The following TSPOAP1 variants were observed in gnomAD, a reference collection of about 807,000 sequenced individuals.
TSPOAP1 encodes TSPO associated protein 1, also known as peripheral-type benzodiazepine receptor-associated protein 1.
Under a neutral mutation model 197.0 loss-of-function variants are expected in TSPOAP1, and 87 were observed. The ratio of observed to expected loss-of-function variants is 0.44; its 90% CI spans 0.37 to 0.53. The LOEUF (loss-of-function observed/expected upper bound fraction) is 0.53. TSPOAP1 is among the 20% of genes least tolerant of loss of function. The probability of loss-of-function intolerance (pLI) is 0.00; values close to 1 mark genes in which losing one functional copy is unlikely to be tolerated. For missense variants in TSPOAP1, 2,174 were observed against 2,411.3 expected (o/e 0.90, Z 2.06); for synonymous variants, 913 against 998.9 (o/e 0.91, Z 1.62).
At chr17:58,327,447 C>T in intron 1 of TSPOAP1, 141 bp downstream of exon 1, 1 of 766,530 alleles carries the variant, frequency 1.3e-6, no homozygotes. Flanking sequence ...GACAGATAGC[C>T]ACAGAGATGG....
chr17:58,311,127 G>C lies in TSPOAP1; in HGVS notation c.3168C>G (p.Val1056=). 6.2e-7 allele frequency: 1 copy of C among 1,605,998 alleles called. No individual in the cohort carries two copies. ...CCCCGTGGGGCGACATGGTGCGCAC[G>C]ACCACCTCACGACACACCTGCAGCA... ...LQLLQVCREV[V]VRTMSPHGES... The change falls in exon 19 of 32, where the codon GTC becomes GTG. Residue 1056 remains valine, a synonymous_variant. Transcript: ENST00000343736.
rs888517632 is a variant in TSPOAP1, at chr17:58,324,334, C to T, written c.942+477G>A. On this transcript the variant is annotated intron_variant, in intron 5 of 31. Transcript: ENST00000343736. This position sits in a 1 kb window ranked among gnomAD's most constrained non-coding sequence, Gnocchi z 5.8. ...CCCTCGAGACAGGGGCTGCCTAAGC[C>T]CCCCGCTCAGTGAGGGTTGCCTGTA... 5.3e-5 allele frequency among the ~76,000 whole-genome samples: 8 copies of T among 152,170 alleles called. No homozygotes were observed. Among genetic ancestry groups the T allele is most frequent in the Non-Finnish European group, 1.0e-4 (7 of 68,002 alleles).
chr17:58,323,115 C>G (rs545317084), intron 7 of TSPOAP1, 76 bp from the exon 8 acceptor site: 30 of 1,535,094 alleles, frequency 2.0e-5, no homozygotes, highest in Non-Finnish European at 2.6e-5. Context: ...GGACCCTGCC[C>G]TCCTCCCAGG....
rs761407091 is a variant in TSPOAP1 at position 58,309,028 on chromosome 17, G to A, written c.4244C>T (p.Pro1415Leu). The A allele has an allele frequency of 2.5e-6, 4 of 1,611,436 alleles. No individual in the cohort carries two copies. The highest frequency in any genetic ancestry group is 2.2e-5 in the East Asian group (1 of 44,868). ...ATCTGGAGGCCGCCTGCGGCTTGGG[G>A]GCTTCTCAGGGGAGCCCCCTCCTCT... ...RRRGGGSPEK[P>L]PSRRRPPDPR... Residue 1415 changes from proline (P) to leucine (L), a missense_variant, in exon 22 of 32, where the codon CCC (proline) becomes CTC (leucine). By Grantham distance (98) the Pro-to-Leu change is moderately conservative (BLOSUM62 -3). Transcript: ENST00000343736. This position sits in a 1 kb window ranked among gnomAD's most constrained non-coding sequence, Gnocchi z 5.0.
At position 58,311,911 on chromosome 17, in the gene TSPOAP1, C is replaced by A; in HGVS notation, c.2910G>T (p.Gln970His). ...ERLEQRAATL[Q>H]FTTLPAGPPD... is the part of the protein sequence containing the mutation. ...ACATACCTGCTGGGAGTGTGGTGAA[C>A]TGCAGGGTGGCAGCCCGCTGCTCCA... Residue 970 changes from glutamine (Q) to histidine (H), a missense_variant, in exon 17 of 32, where the codon CAG (glutamine) becomes CAT (histidine). Gln to His is a conservative substitution (Grantham distance 24). Transcript: ENST00000343736. The A allele has an allele frequency of 1.9e-6, 3 of 1,559,256 alleles. No homozygotes were observed. Among genetic ancestry groups the A allele is most frequent in the Non-Finnish European group, 2.6e-6 (3 of 1,152,690 alleles).
At chr17:58,314,396 T>A (rs1422662713) in intron 16 of TSPOAP1, among the ~76,000 whole-genome samples, 1 of 152,202 alleles carries the variant, frequency 6.6e-6, no homozygotes, top group Non-Finnish European at 1.5e-5. Context: ...GATCTTGAGA[T>A]GAGATCATCC....
intron 16 of TSPOAP1, among the ~76,000 whole-genome samples, chr17:58,313,414 A>C (rs1351526634): frequency 1.3e-5 from 2 of 152,048 alleles, no homozygotes; most frequent in Non-Finnish European, 2.9e-5. Context: ...GGAGTTTGTG[A>C]CCAATCTGGG....
chr17:58,304,546 G>A lies in TSPOAP1; in HGVS notation c.5545-147C>T. 1 of 684,396 alleles carries A rather than the reference G, an allele frequency of 1.5e-6. No homozygotes were observed. The highest frequency in any genetic ancestry group is 2.7e-6 in the Non-Finnish European group (1 of 374,818). 42.4% of individuals were successfully genotyped at this position (684,396 alleles called of 1,614,324 possible). On this transcript the variant is annotated intron_variant, in intron 30 of 31. Coordinates refer to ENST00000343736, the MANE Select transcript of TSPOAP1 (RefSeq NM_004758.4). This position sits in a 1 kb window ranked among gnomAD's most constrained non-coding sequence, Gnocchi z 4.2. ...TGGAAGCCCTGAGTTTTCTGGCTGG[G>A]GCTTGGCCTCTTCACCCTCTCTCCC...
chr17:58,306,789 G>C lies in TSPOAP1; in HGVS notation c.5152+11C>G. On this transcript the variant is annotated intron_variant, in intron 25 of 31. Coordinates refer to ENST00000343736, the MANE Select transcript of TSPOAP1 (RefSeq NM_004758.4). ...GGTGGGAGGTGGGTGAGGGACAGCA[G>C]CAGGTCATACCTGAGCCCTCAAGGA... 1 of 1,603,828 alleles carries C rather than the reference G, an allele frequency of 6.2e-7. No homozygotes were observed. The highest frequency in any genetic ancestry group is 8.5e-7 in the Non-Finnish European group (1 of 1,172,076).
Position 58,305,054 on chromosome 17 carries a change from C to T in TSPOAP1, c.5544+7G>A. The T allele has an allele frequency of 6.2e-7, 1 of 1,611,192 alleles. No homozygotes were observed. Among genetic ancestry groups the T allele is most frequent in the South Asian group, 1.1e-5 (1 of 91,024 alleles). On this transcript the variant is annotated splice_region_variant and intron_variant, in intron 30 of 31. Coordinates refer to ENST00000343736, the MANE Select transcript of TSPOAP1 (RefSeq NM_004758.4). ...CTGCCAAGCTGGGAGCCCAGCTCCT[C>T]ACTGACCTGACTCTCAGCCTGGGGT...
chr17:58,306,618 C>CCCACT (rs1970902815), intron 25 of TSPOAP1, 182 bp downstream of exon 25: 1 of 928,318 alleles, frequency 1.1e-6, no homozygotes, highest in African/African-American at 1.7e-5. Context: ...GCAACAGACG[C>CCCACT]CCACTCCACG....
At position 58,311,587 on chromosome 17, in the gene TSPOAP1, T is replaced by C; in HGVS notation, c.3065A>G (p.Tyr1022Cys). The C allele has an allele frequency of 6.3e-7, 1 of 1,590,802 alleles. No homozygotes were observed. ...GGGCTATACCTTCTGCCCATCAGCG[T>C]AGATGGCATAGCCTGTGACCCGGAC... Reference protein sequence around the residue: ...NGVRVTGYAIYADGQKIMEVA... With the variant: ...NGVRVTGYAICADGQKIMEVA... Residue 1022 changes from tyrosine to cysteine, a missense_variant, in exon 18 of 32, where the codon TAC (tyrosine) becomes TGC (cysteine). Coordinates refer to ENST00000343736, the MANE Select transcript of TSPOAP1 (RefSeq NM_004758.4).
chr17:58,322,377 C>T lies in TSPOAP1; in HGVS notation c.1353G>A (p.Leu451=), dbSNP rs1332115177. The T allele has an allele frequency of 3.7e-6, 6 of 1,606,360 alleles. No homozygotes were observed. Among genetic ancestry groups the T allele is most frequent in the Non-Finnish European group, 4.2e-6 (5 of 1,179,986 alleles). Residue 451 remains leucine (L), a synonymous_variant, in exon 10 of 32, where the codon CTG becomes CTA. Transcript: ENST00000343736. The surrounding 1 kb of genome is among the most constrained non-coding windows in gnomAD (Gnocchi z 5.0). ...GCCGAGCCTGTTCATGCTCCACCTCCAGCTGCTGCCGCCGCTGGGCCACCT... is the reference window on the plus strand; with the variant it reads ...GCCGAGCCTGTTCATGCTCCACCTCTAGCTGCTGCCGCCGCTGGGCCACCT... ...MREVAQRRQQ[L]EVEHEQARLS...
At chr17:58,315,141 C>A (rs899408667) in intron 16 of TSPOAP1, among the ~76,000 whole-genome samples, 1 of 152,078 alleles carries the variant, frequency 6.6e-6, no homozygotes, top group African/African-American at 2.4e-5. Context: ...TCATAATCTA[C>A]CCCTGTAGGG....
Position 58,301,515 on chromosome 17 carries a change from A to C in TSPOAP1, c.*965T>G, listed in dbSNP as rs1970722106. On this transcript the variant is annotated 3_prime_UTR_variant, in exon 32 of 32. Coordinates refer to ENST00000343736, the MANE Select transcript of TSPOAP1 (RefSeq NM_004758.4). Reference sequence around the variant, plus strand: ...CTGGACTCCAACAGGGGTTAGAAGAAAACTATGCAAAAGAACTTGAATCCA... The same window carrying C: ...CTGGACTCCAACAGGGGTTAGAAGACAACTATGCAAAAGAACTTGAATCCA... 1 of 152,698 alleles carries C rather than the reference A, an allele frequency of 6.5e-6. No individual in the cohort carries two copies. Among genetic ancestry groups the C allele is most frequent in the African/African-American group, 2.4e-5 (1 of 41,462 alleles). The allele number at this position is 152,698 out of a possible 1,614,324, so 9.5% of individuals were successfully genotyped here. A position where few individuals can be genotyped will look rare whatever the true frequency, so the allele number is the denominator to read the frequency against.
In TSPOAP1 at chr17:58,302,660, G is replaced by A. The variant is rs377352777; in HGVS notation, c.*33-213C>T. On this transcript the variant is annotated intron_variant, in intron 31 of 31. Transcript: ENST00000343736. ...ATGCCGAGGGAGCACTAAGCTGGGA[G>A]TCCCAGGGGATGCAGTCTCGGTTCT... 177 of 244,976 alleles carry A rather than the reference G, an allele frequency of 7.2e-4. 3 individuals carry two copies. The highest frequency in any genetic ancestry group is 6.3e-3 in the South Asian group (147 of 23,476). 15.2% of individuals were successfully genotyped at this position (244,976 alleles called of 1,614,324 possible). A position where few individuals can be genotyped will look rare whatever the true frequency, so the allele number is the denominator to read the frequency against.
intron 10 of TSPOAP1, 26 bp from the exon 11 acceptor site, chr17:58,320,607 T>A: frequency 7.2e-7 from 1 of 1,397,422 alleles, no homozygotes; most frequent in Admixed American, 3.1e-5. Flanking sequence ...ACCAAAATAC[T>A]GGAGGGAAGG....
At chr17:58,318,090 A>G (rs1971294027) in intron 14 of TSPOAP1, among the ~76,000 whole-genome samples, 190 bp downstream of exon 14, 1 of 152,176 alleles carries the variant, frequency 6.6e-6, no homozygotes. Flanking sequence ...GCAGGCAGGC[A>G]GTGGAGGGCA....
Position 58,312,554 on chromosome 17 carries a change from C to T in TSPOAP1, c.2267G>A (p.Gly756Asp), listed in dbSNP as rs754778153. Reference sequence around the variant, plus strand: ...CTGGCTCCTTCCCACACTGCTTTGGCCCCCGCTACTGCTGCCACCCCCACC... The same window carrying T: ...CTGGCTCCTTCCCACACTGCTTTGGTCCCCGCTACTGCTGCCACCCCCACC... ...SVGGGGSSSG[G>D]QSSVGRSQPR... Residue 756 changes from glycine (G) to aspartate (D), a missense_variant, in exon 17 of 32, where the codon GGC becomes GAC. Transcript: ENST00000343736. 6.2e-7 allele frequency: 1 copy of T among 1,607,910 alleles called. No individual in the cohort carries two copies. Among genetic ancestry groups the T allele is most frequent in the South Asian group, 1.1e-5 (1 of 89,888 alleles).
Sources: gnomAD v4.1 joint callset for allele counts (sites outside exome capture counted in the v4.1 genomes callset) on GRCh38, gnomAD v4.1.1 for gene constraint, Gnocchi (gnomAD v3.1) non-coding constraint, MANE v1.5 for transcripts, NCBI Gene and HGNC (gene_info 2026-07-23, HGNC 2026-07-21) for gene names.